The following GSTCD variants were observed in gnomAD, a reference collection of about 807,000 sequenced individuals.
GSTCD encodes glutathione S-transferase C-terminal domain containing.
Under a neutral mutation model 68.3 loss-of-function variants are expected in GSTCD, and 44 were observed. The observed-to-expected ratio is 0.64, with a 90% CI of 0.51 to 0.83. The LOEUF is 0.83. Ranked by LOEUF, GSTCD falls within the 40% of genes least tolerant of loss-of-function variation. GSTCD has a pLI of 0.00. For missense variants in GSTCD, 739 were observed against 735.9 expected, an observed-to-expected ratio of 1.00 and a Z score of -0.05; for synonymous variants, 273 against 255.2, an observed-to-expected ratio of 1.07 and a Z score of -0.67.
intron 5 of GSTCD, among the ~76,000 whole-genome samples, chr4:105,809,185 C>G (rs72673828): frequency 0.052 from 7,850 of 152,094 alleles, 233 homozygotes; most frequent in Middle Eastern, 0.13. Flanking sequence ...ATACCTCAAG[C>G]TGCAAAAATT....
intron 5 of GSTCD, among the ~76,000 whole-genome samples, chr4:105,788,630 T>G (rs1735551614): frequency 6.6e-6 from 1 of 152,072 alleles, no homozygotes. Context: ...AGTAGTTTCC[T>G]TAGGGTTTAA....
At chr4:105,744,024 A>T (rs1486128392) in intron 5 of GSTCD, among the ~76,000 whole-genome samples, 1 of 152,154 alleles carries the variant, frequency 6.6e-6, no homozygotes, top group Non-Finnish European at 1.5e-5. Flanking sequence ...TTTAGTACAC[A>T]TTATTATGTA....
At chr4:105,776,969 G>A (rs1735091776) in intron 5 of GSTCD, among the ~76,000 whole-genome samples, 1 of 152,062 alleles carries the variant, frequency 6.6e-6, no homozygotes, top group South Asian at 2.1e-4. Flanking sequence ...TCTCCATTCT[G>A]TATCTGTCCA....
intron 5 of GSTCD, 54 bp downstream of exon 5, chr4:105,729,553 A>G: frequency 8.7e-7 from 1 of 1,154,562 alleles, no homozygotes; most frequent in Non-Finnish European, 1.3e-6. Context: ...CTGTCTTCAG[A>G]TATGTCTTCT....
rs1159583053 is a variant in GSTCD, at chr4:105,768,991, C to A, written c.1240+39492C>A. On this transcript the variant is annotated intron_variant, in intron 5 of 11. Transcript: ENST00000515279. ...TTTATAGAATATAGAATATATTATT[C>A]TCATATAAACCATTCAATAAAACAA... Among the ~76,000 whole-genome samples, 3 of 151,754 alleles carry A rather than the reference C, an allele frequency of 2.0e-5. No homozygotes were observed. The East Asian group carries it at 5.8e-4, about 29-fold the overall frequency.
Position 105,822,285 on chromosome 4 carries a change from G to A in GSTCD, c.1241-669G>A, listed in dbSNP as rs185761555. Among the ~76,000 whole-genome samples the A allele has an allele frequency of 1.1e-3, 173 of 151,966 alleles. 1 individual carries two copies. The highest frequency in any genetic ancestry group is 4.0e-3 in the African/African-American group (166 of 41,466). ...AATGCCCTATCCTGAATCTCTAATT[G>A]CATTATATTTCTGTCTGACTCATGA... On this transcript the variant is annotated intron_variant, in intron 5 of 11. Transcript: ENST00000515279.
At chr4:105,740,172 A>G (rs1733587128) in intron 5 of GSTCD, among the ~76,000 whole-genome samples, 1 of 152,064 alleles carries the variant, frequency 6.6e-6, no homozygotes, top group Non-Finnish European at 1.5e-5. Context: ...GGTGCAAGAC[A>G]TAGTGTCAGC....
intron 5 of GSTCD, among the ~76,000 whole-genome samples, chr4:105,769,233 GCACACAC>G (rs1376681943): frequency 4.1e-5 from 6 of 146,230 alleles, no homozygotes; most frequent in African/African-American, 1.5e-4. Context: ...ATACACGCGC[GCACACAC>G]ACACACACAC....
intron 5 of GSTCD, among the ~76,000 whole-genome samples, chr4:105,812,077 G>A (rs1722775483): frequency 6.6e-6 from 1 of 152,136 alleles, no homozygotes; most frequent in Non-Finnish European, 1.5e-5. Flanking sequence ...TATAGTTTTG[G>A]GTATCAGTAT....
intron 2 of GSTCD, among the ~76,000 whole-genome samples, chr4:105,718,248 G>A (rs1414398066): frequency 6.6e-6 from 1 of 152,188 alleles, no homozygotes; most frequent in Non-Finnish European, 1.5e-5. Context: ...CAATGTTGTT[G>A]GAGGTGGGAC....
intron 5 of GSTCD, among the ~76,000 whole-genome samples, chr4:105,819,988 G>A (rs1374031582): frequency 6.6e-6 from 1 of 151,658 alleles, no homozygotes; most frequent in East Asian, 1.9e-4. Flanking sequence ...GAGTATCCAT[G>A]CACTCTTTTA....
At chr4:105,793,263 G>A (rs1297080148) in intron 5 of GSTCD, among the ~76,000 whole-genome samples, 1 of 151,880 alleles carries the variant, frequency 6.6e-6, no homozygotes, top group Admixed American at 6.5e-5. Flanking sequence ...ACTGACACCA[G>A]ACTTCAGCAA....
At chr4:105,841,799 C>A (rs187468739) in intron 10 of GSTCD, among the ~76,000 whole-genome samples, 2 of 152,158 alleles carry the variant, frequency 1.3e-5, no homozygotes, top group African/African-American at 4.8e-5. Flanking sequence ...TGCAGTGAGC[C>A]AAGATTGCGC....
chr4:105,756,500 A>T (rs942631714), intron 5 of GSTCD, among the ~76,000 whole-genome samples: 108 of 119,246 alleles, frequency 9.1e-4, no homozygotes, highest in Non-Finnish European at 1.6e-3. Flanking sequence ...GCACATACAC[A>T]CACACACACA....
intron 8 of GSTCD, among the ~76,000 whole-genome samples, chr4:105,829,177 C>T (rs114329562): frequency 2.6e-3 from 351 of 136,836 alleles, no homozygotes; most frequent in Admixed American, 4.1e-3. Context: ...ACAGATACTA[C>T]AGCTATAATT....
intron 1 of GSTCD, 65 bp from the exon 2 acceptor site, chr4:105,717,528 A>C (rs2149204258): frequency 9.9e-7 from 1 of 1,006,780 alleles, no homozygotes; most frequent in Non-Finnish European, 1.5e-6. Flanking sequence ...TGAAACATTC[A>C]TCTTTTATTT....
In GSTCD at chr4:105,834,534, T is replaced by A; in HGVS notation, c.1604T>A (p.Val535Asp). The A allele has an allele frequency of 6.2e-7, 1 of 1,614,120 alleles. No individual in the cohort carries two copies. The highest frequency in any genetic ancestry group is 8.5e-7 in the Non-Finnish European group (1 of 1,179,974). Residue 535 changes from valine to aspartate, a missense_variant, in exon 9 of 12, where the codon GTC (valine) becomes GAC (aspartate). Physicochemically the swap from Val to Asp is radical, Grantham distance 152. Transcript: ENST00000515279. ...EHCIKTRASF[V>D]TCPCCYGFIQ... ...TGTATCAAAACACGGGCTTCCTTCG[T>A]CACATGCCCTTGCTGTTATGGTTTC...
At chr4:105,755,596 T>G (rs897094855) in intron 5 of GSTCD, among the ~76,000 whole-genome samples, 2 of 152,078 alleles carry the variant, frequency 1.3e-5, no homozygotes, top group Middle Eastern at 3.4e-3. Context: ...GTGTTAGATC[T>G]CACATGTTAA....
chr4:105,841,960 C>G, intron 10 of GSTCD, 105 bp from the exon 11 acceptor site: 1 of 769,440 alleles, frequency 1.3e-6, no homozygotes, highest in East Asian at 2.6e-5. Context: ...TTCAGTTAAA[C>G]AATGTTGAAC....
Sources: allele counts gnomAD v4.1 joint callset (sites outside exome capture counted in the v4.1 genomes callset), GRCh38; gene constraint gnomAD v4.1.1; transcripts MANE v1.5; gene names NCBI Gene and HGNC (gene_info 2026-07-23, HGNC 2026-07-21).